PLCL1: variants seen among roughly 807,000 people sequenced by gnomAD.
The protein encoded by PLCL1 is phospholipase C like 1 (inactive), also known as inactive phospholipase C-like protein 1.
A neutral mutation model predicts 84.4 loss-of-function variants in PLCL1; 41 were observed. That is an observed-to-expected ratio of 0.49 (90% CI 0.38 to 0.63). The LOEUF is 0.63. Among genes scored for constraint, PLCL1 ranks in the 30% least tolerant of loss-of-function variants. The pLI, the probability that PLCL1 is intolerant of heterozygous loss-of-function variation, is 0.00. For missense variants in PLCL1, 1,206 were observed against 1,367.8 expected (o/e 0.88, Z 1.87); for synonymous variants, 490 against 488.3 (o/e 1.00, Z -0.05).
At chr2:198,121,709 C>T (rs1350077857) in intron 5 of PLCL1, among the ~76,000 whole-genome samples, 1 of 152,068 alleles carries the variant, frequency 6.6e-6, no homozygotes, top group Non-Finnish European at 1.5e-5. Context: ...GTTATTACAG[C>T]TCTGTCTTAT....
intron 5 of PLCL1, among the ~76,000 whole-genome samples, chr2:198,145,669 A>AT (rs1010893493): frequency 1.4e-4 from 22 of 152,228 alleles, no homozygotes; most frequent in Non-Finnish European, 2.6e-4. Context: ...GGATTTAGCT[A>AT]TTTTTTACAG....
At position 198,083,888 on chromosome 2, in the gene PLCL1, T is replaced by A; in HGVS notation, c.371T>A (p.Val124Asp). The A allele has an allele frequency of 6.2e-7, 1 of 1,614,134 alleles. No individual in the cohort carries two copies. Among genetic ancestry groups the A allele is most frequent in the Non-Finnish European group, 8.5e-7 (1 of 1,179,998 alleles). The change falls in exon 2 of 6, where the codon GTC becomes GAC. Residue 124 changes from valine (V) to aspartate (D), a missense_variant. Transcript: ENST00000428675. Reference sequence around the variant, plus strand: ...CAAGCTGGCTGTGAGTTGAAGAAAGTCCGGCCAAATTCTCGCATTTACAAC... The same window carrying A: ...CAAGCTGGCTGTGAGTTGAAGAAAGACCGGCCAAATTCTCGCATTTACAAC... ...FMQAGCELKK[V>D]RPNSRIYNRF...
At chr2:197,833,095 C>G (rs1479547134) in intron 1 of PLCL1, among the ~76,000 whole-genome samples, 1 of 152,146 alleles carries the variant, frequency 6.6e-6, no homozygotes, top group Non-Finnish European at 1.5e-5. Context: ...CCCAGCTACT[C>G]AGGAGGCTGA....
At position 197,805,572 on chromosome 2, in the gene PLCL1, G is replaced by T. The variant is rs1319061358; in HGVS notation, c.240+233G>T. 6.6e-6 allele frequency among the ~76,000 whole-genome samples: 1 copy of T among 152,162 alleles called. No individual in the cohort carries two copies. The highest frequency in any genetic ancestry group is 1.5e-5 in the Non-Finnish European group (1 of 68,040). ...CGGCAGAGGAAAAGTTCCGCTCTGC[G>T]TCTTTGCGTTCTGATGGATGCTTTC... On this transcript the variant is annotated intron_variant, in intron 1 of 5. Coordinates refer to ENST00000428675, the MANE Select transcript of PLCL1 (RefSeq NM_006226.4). This position sits in a 1 kb window ranked among gnomAD's most constrained non-coding sequence, Gnocchi z 4.0.
At chr2:197,880,802 C>A (rs1236018101) in intron 1 of PLCL1, among the ~76,000 whole-genome samples, 1 of 152,148 alleles carries the variant, frequency 6.6e-6, no homozygotes, top group Non-Finnish European at 1.5e-5. Flanking sequence ...TCATCATGGT[C>A]AAAAGCAAAC....
rs5837577 is a variant in PLCL1, at chr2:198,031,659, C to CT, written c.241-52079dup. Reference sequence around the variant, plus strand: ...TATGAGCCACCGTGAATGGCCAGTGCTTTTTTTTTTTTTTTTTTTTAATCT... The same window carrying CT: ...TATGAGCCACCGTGAATGGCCAGTGCTTTTTTTTTTTTTTTTTTTTTAATCT... On this transcript the variant is annotated intron_variant, in intron 1 of 5. Coordinates refer to ENST00000428675, the MANE Select transcript of PLCL1 (RefSeq NM_006226.4). 6.7e-3 allele frequency among the ~76,000 whole-genome samples: 692 copies of CT among 103,780 alleles called. 10 individuals are homozygous for CT. Among genetic ancestry groups the CT allele is most frequent in the Admixed American group, 0.019 (187 of 9,834 alleles). The allele number at this position is 103,780 out of a possible 152,430, so 68.1% of individuals were successfully genotyped here. A position where few individuals can be genotyped will look rare whatever the true frequency, so the allele number is the denominator to read the frequency against.
chr2:198,136,058 T>C (rs1396647818), intron 5 of PLCL1, among the ~76,000 whole-genome samples: 1 of 152,182 alleles, frequency 6.6e-6, no homozygotes, highest in African/African-American at 2.4e-5. Flanking sequence ...TAATGAGTAA[T>C]GCAATCCTGG....
chr2:197,815,978 A>G (rs1296985821), intron 1 of PLCL1, among the ~76,000 whole-genome samples: 12 of 152,304 alleles, frequency 7.9e-5, no homozygotes, highest in Middle Eastern at 3.4e-3. Flanking sequence ...AAGATTTAGA[A>G]TATTACATAA....
intron 5 of PLCL1, among the ~76,000 whole-genome samples, chr2:198,139,178 G>A (rs1355937095): frequency 6.6e-6 from 1 of 151,966 alleles, no homozygotes; most frequent in African/African-American, 2.4e-5. Flanking sequence ...AAAAGATTTG[G>A]CAGTTTTGAT....
chr2:198,120,603 T>C (rs1693845967), intron 5 of PLCL1, among the ~76,000 whole-genome samples: 1 of 152,074 alleles, frequency 6.6e-6, no homozygotes, highest in Non-Finnish European at 1.5e-5. Flanking sequence ...TTATTTAAGT[T>C]AACACAATGA....
intron 1 of PLCL1, among the ~76,000 whole-genome samples, chr2:198,002,634 G>A (rs1690629593): frequency 6.6e-6 from 1 of 152,154 alleles, no homozygotes; most frequent in Non-Finnish European, 1.5e-5. Context: ...GAAGAAGGGT[G>A]TTATTGTAAA....
At chr2:198,055,521 GT>G (rs1553514865) in intron 1 of PLCL1, among the ~76,000 whole-genome samples, 36 of 144,892 alleles carry the variant, frequency 2.5e-4, no homozygotes, top group East Asian at 1.9e-3. Flanking sequence ...CTTTTATTTT[GT>G]TTTTTTTTTT....
At chr2:197,860,570 C>T (rs535286960) in intron 1 of PLCL1, among the ~76,000 whole-genome samples, 2 of 152,110 alleles carry the variant, frequency 1.3e-5, no homozygotes, top group Non-Finnish European at 2.9e-5. Context: ...AATAGCCATT[C>T]TGACTGGTGT....
At chr2:198,134,014 A>G (rs937237820) in intron 5 of PLCL1, among the ~76,000 whole-genome samples, 5 of 152,192 alleles carry the variant, frequency 3.3e-5, no homozygotes, top group Admixed American at 6.5e-5. Flanking sequence ...AGGGTGAAGT[A>G]TACATTGTTG....
intron 1 of PLCL1, among the ~76,000 whole-genome samples, chr2:198,064,843 A>C (rs1692285915): frequency 1.3e-5 from 2 of 152,214 alleles, no homozygotes; most frequent in African/African-American, 4.8e-5. Context: ...ACAAGAGAGC[A>C]CCCATTTATC....
intron 1 of PLCL1, among the ~76,000 whole-genome samples, chr2:197,867,838 T>C (rs1687577939): frequency 6.6e-6 from 1 of 152,174 alleles, no homozygotes; most frequent in African/African-American, 2.4e-5. Context: ...TCACTCTGAC[T>C]CTTGTGGTGA....
At chr2:198,095,532 T>TG (rs947151300) in intron 3 of PLCL1, among the ~76,000 whole-genome samples, 1 of 152,190 alleles carries the variant, frequency 6.6e-6, no homozygotes, top group African/African-American at 2.4e-5. Context: ...CCTTTTAATG[T>TG]GCAAGCCACT....
chr2:197,886,677 C>A (rs901704344), intron 1 of PLCL1, among the ~76,000 whole-genome samples: 2 of 152,112 alleles, frequency 1.3e-5, no homozygotes, highest in African/African-American at 4.8e-5. Context: ...CCTGGGGGAA[C>A]AAGCTCAGTG....
intron 3 of PLCL1, among the ~76,000 whole-genome samples, chr2:198,094,647 C>T (rs918165541): frequency 6.6e-6 from 1 of 152,106 alleles, no homozygotes; most frequent in Admixed American, 6.5e-5. Flanking sequence ...TGAGTAATAA[C>T]ACACTGGGTT....
Sources: gnomAD v4.1 joint callset for allele counts (sites outside exome capture counted in the v4.1 genomes callset) on GRCh38, gnomAD v4.1.1 for gene constraint, Gnocchi (gnomAD v3.1) non-coding constraint, MANE v1.5 for transcripts, NCBI Gene and HGNC (gene_info 2026-07-23, HGNC 2026-07-21) for gene names.